RORA: variants seen among roughly 807,000 people sequenced by gnomAD.
RORA encodes the protein nuclear receptor ROR-alpha.
A neutral mutation model predicts 69.5 loss-of-function variants in RORA; 7 were observed. The ratio of observed to expected loss-of-function variants is 0.10; its 90% CI spans 0.06 to 0.19. The LOEUF is 0.19. Ranked by LOEUF, RORA falls within the 10% of genes least tolerant of loss-of-function variation. The pLI, the probability that RORA is intolerant of heterozygous loss-of-function variation, is 1.00. For synonymous variants in RORA, 261 were observed against 240.8 expected (o/e 1.08, Z -0.78); for missense variants, 457 against 663.0 (o/e 0.69, Z 3.41).
chr15:60,618,549 A>G (rs571624744), intron 2 of RORA, among the ~76,000 whole-genome samples: 4 of 152,248 alleles, frequency 2.6e-5, no homozygotes, highest in African/African-American at 9.6e-5. Flanking sequence ...CCAAATTTCA[A>G]CTCACTATAA....
chr15:60,693,578 A>G (rs1273172788), intron 1 of RORA, among the ~76,000 whole-genome samples: 1 of 152,228 alleles, frequency 6.6e-6, no homozygotes, highest in Non-Finnish European at 1.5e-5. Flanking sequence ...TCTTAAGCTG[A>G]TAAGCAACCT....
At chr15:60,794,927 G>A (rs756708537) in intron 1 of RORA, among the ~76,000 whole-genome samples, 4 of 152,176 alleles carry the variant, frequency 2.6e-5, no homozygotes, top group African/African-American at 7.2e-5. Context: ...TGGAAAATGG[G>A]TGGTGCTGAG....
intron 1 of RORA, among the ~76,000 whole-genome samples, chr15:60,765,920 CAAAA>C (rs146335402): frequency 0.024 from 3,696 of 151,950 alleles, 155 homozygotes; most frequent in African/African-American, 0.086. Flanking sequence ...GAAGAATAAA[CAAAA>C]AGAATCAAAG....
intron 1 of RORA, among the ~76,000 whole-genome samples, chr15:61,095,871 G>T (rs2078782277): frequency 6.6e-6 from 1 of 152,138 alleles, no homozygotes; most frequent in Admixed American, 6.5e-5. Flanking sequence ...TAAAAGTCAG[G>T]ACAACTTCCA....
chr15:60,711,024 G>A (rs1240178201), intron 1 of RORA, among the ~76,000 whole-genome samples: 7 of 152,170 alleles, frequency 4.6e-5, no homozygotes, highest in Non-Finnish European at 1.5e-5. Flanking sequence ...GGTGTGCTGA[G>A]ACTAGAATTC....
intron 1 of RORA, among the ~76,000 whole-genome samples, chr15:60,761,267 C>A (rs2071884375): frequency 6.6e-6 from 1 of 152,104 alleles, no homozygotes; most frequent in Admixed American, 6.6e-5. Context: ...TGATTGCAAA[C>A]CTCTGGTACC....
intron 2 of RORA, chr15:60,601,055 C>T (rs755850685): frequency 5.9e-5 from 9 of 152,110 alleles, no homozygotes; most frequent in Admixed American, 4.6e-4. Flanking sequence ...GAAAAAAATC[C>T]AGGTACACTG....
At chr15:60,887,186 G>GA (rs1218093272) in intron 1 of RORA, among the ~76,000 whole-genome samples, 2 of 151,104 alleles carry the variant, frequency 1.3e-5, no homozygotes, top group African/African-American at 2.4e-5. Flanking sequence ...GTTGGAATTA[G>GA]AAAAAAAAGG....
At chr15:60,968,118 G>A (rs1043589419) in intron 1 of RORA, among the ~76,000 whole-genome samples, 1 of 152,180 alleles carries the variant, frequency 6.6e-6, no homozygotes, top group African/African-American at 2.4e-5. Context: ...CTATTCCAGA[G>A]ACTGTGTGAA....
chr15:61,204,573 G>T (rs1410889644), intron 1 of RORA, among the ~76,000 whole-genome samples: 1 of 152,180 alleles, frequency 6.6e-6, no homozygotes, highest in East Asian at 1.9e-4. Flanking sequence ...CCAGGTTAGA[G>T]GGTTTGAATT....
chr15:60,630,393 C>T (rs1302857337), intron 2 of RORA: 1 of 152,082 alleles, frequency 6.6e-6, no homozygotes, highest in Non-Finnish European at 1.5e-5. Flanking sequence ...TTTGTATGCC[C>T]GTATAAATAA....
At chr15:60,879,993 C>CA (rs2073660815) in intron 1 of RORA, among the ~76,000 whole-genome samples, 1 of 152,188 alleles carries the variant, frequency 6.6e-6, no homozygotes, top group Admixed American at 6.5e-5. Context: ...GACTGCATCT[C>CA]CTGTAAGCAT....
At chr15:60,763,096 T>TTTTTTTTTTTTTTTTTTA (rs375632043) in intron 1 of RORA, among the ~76,000 whole-genome samples, 4 of 109,368 alleles carry the variant, frequency 3.7e-5, no homozygotes, top group Non-Finnish European at 5.8e-5. Flanking sequence ...TTTTTTTTTT[T>TTTTTTTTTTTTTTTTTTA]AACCAACCTA....
rs116758336 is a variant in RORA at position 61,048,013 on chromosome 15, T to A, written c.166+181040A>T. Among the ~76,000 whole-genome samples the A allele has an allele frequency of 3.4e-3, 511 of 152,286 alleles. 2 individuals are homozygous for A. The highest frequency in any genetic ancestry group is 0.012 in the African/African-American group (489 of 41,562). On this transcript the variant is annotated intron_variant, in intron 1 of 10. Transcript: ENST00000335670. ...CTCACGTGTTTATGTAAGTAAGCAT[T>A]TAGATATGGCTTTGGAAAAGAAAAC...
intron 2 of RORA, among the ~76,000 whole-genome samples, chr15:60,567,536 G>A (rs568885353): frequency 2.0e-5 from 3 of 151,744 alleles, no homozygotes; most frequent in East Asian, 3.9e-4. Context: ...TCAGCCTCCC[G>A]AATAGCTGGG....
intron 1 of RORA, among the ~76,000 whole-genome samples, chr15:61,034,380 T>C (rs1896342293): frequency 6.6e-6 from 1 of 152,196 alleles, no homozygotes; most frequent in South Asian, 2.1e-4. Context: ...TGAGTCAGTC[T>C]ATATAGAGGC....
intron 2 of RORA, among the ~76,000 whole-genome samples, chr15:60,582,362 C>T (rs2068217420): frequency 6.6e-6 from 1 of 152,178 alleles, no homozygotes; most frequent in Non-Finnish European, 1.5e-5. Flanking sequence ...GAAACTAGAG[C>T]ATGTTTCTGT....
intron 1 of RORA, among the ~76,000 whole-genome samples, chr15:61,114,739 T>G (rs535185979): frequency 4.6e-5 from 7 of 152,164 alleles, no homozygotes; most frequent in Non-Finnish European, 8.8e-5. Flanking sequence ...CCCTATACTT[T>G]GTTCTTGTCA....
intron 1 of RORA, among the ~76,000 whole-genome samples, chr15:60,899,026 G>A (rs1891312680): frequency 1.3e-5 from 2 of 152,202 alleles, no homozygotes; most frequent in Non-Finnish European, 2.9e-5. Context: ...TAGCATTTGA[G>A]TAAGGGGTGG....
Sources: allele counts gnomAD v4.1 joint callset (sites outside exome capture counted in the v4.1 genomes callset), GRCh38; gene constraint gnomAD v4.1.1; transcripts MANE v1.5; gene names NCBI Gene and HGNC (gene_info 2026-07-23, HGNC 2026-07-21).